SUMF1: variants seen among roughly 807,000 people sequenced by gnomAD.
SUMF1 encodes the protein sulfatase modifying factor 1.
In SUMF1, 48 loss-of-function variants were observed where a neutral mutation model predicts 47.6. The observed-to-expected ratio is 1.01, with a 90% CI of 0.80 to 1.28. SUMF1 has a LOEUF of 1.28. Among genes scored for constraint, SUMF1 ranks in the 50% most tolerant of loss-of-function variants. SUMF1 has a pLI of 0.00. For missense variants in SUMF1, 571 were observed against 485.4 expected, an observed-to-expected ratio of 1.18 and a Z score of -1.66; for synonymous variants, 230 against 192.1, an observed-to-expected ratio of 1.20 and a Z score of -1.63.
intron 8 of SUMF1, among the ~76,000 whole-genome samples, chr3:4,075,659 A>G (rs934096487): frequency 6.6e-6 from 1 of 152,134 alleles, no homozygotes; most frequent in African/African-American, 2.4e-5. Context: ...ATACAAAATC[A>G]ATAGGCAAAA....
intron 8 of SUMF1, among the ~76,000 whole-genome samples, chr3:4,220,769 G>A (rs781777305): frequency 2.1e-4 from 32 of 152,066 alleles, no homozygotes; most frequent in Non-Finnish European, 1.6e-4. Flanking sequence ...TCTGTAAAAC[G>A]AGAAGACTGA....
At chr3:4,125,880 T>C (rs1244651628) in intron 8 of SUMF1, among the ~76,000 whole-genome samples, 2 of 152,078 alleles carry the variant, frequency 1.3e-5, no homozygotes, top group African/African-American at 4.8e-5. Flanking sequence ...TCTTGCTTTG[T>C]TGGCCAGGCT....
chr3:4,463,969 T>C (rs2079876817), intron 1 of SUMF1, among the ~76,000 whole-genome samples: 1 of 152,214 alleles, frequency 6.6e-6, no homozygotes, highest in South Asian at 2.1e-4. Flanking sequence ...GCCATAACTT[T>C]CTAGTGAAAC....
At chr3:4,282,753 T>A (rs1697555112) in intron 8 of SUMF1, among the ~76,000 whole-genome samples, 4 of 152,214 alleles carry the variant, frequency 2.6e-5, no homozygotes, top group Admixed American at 6.5e-5. Context: ...AAAGAAGGTA[T>A]CTTGTTTTTG....
chr3:4,452,960 A>C lies in SUMF1; in HGVS notation c.360T>G (p.Thr120=). Residue 120 remains threonine (T), a synonymous_variant, in exon 2 of 9, where the codon ACT becomes ACG. Transcript: ENST00000272902. ...AGGCATCCATGTAAAAGGCATCAAT[A>C]GTAACTCTCCTCGCAGGTGCTTCCC... ...QDGEAPARRV[T]IDAFYMDAYE... 6.2e-7 allele frequency: 1 copy of C among 1,614,234 alleles called. No homozygotes were observed. The highest frequency in any genetic ancestry group is 8.5e-7 in the Non-Finnish European group (1 of 1,180,046).
chr3:4,153,034 C>T (rs1393278689), intron 8 of SUMF1, among the ~76,000 whole-genome samples: 2 of 151,566 alleles, frequency 1.3e-5, no homozygotes, highest in Admixed American at 1.3e-4. Context: ...CCCTATTCTT[C>T]TGAGAACTGC....
chr3:4,259,739 G>A (rs1171672646), intron 8 of SUMF1, among the ~76,000 whole-genome samples: 6 of 152,024 alleles, frequency 3.9e-5, no homozygotes. Context: ...AATGGCAAAA[G>A]GCAATTTTTA....
At chr3:4,327,144 A>C (rs1698962716) in intron 8 of SUMF1, among the ~76,000 whole-genome samples, 1 of 152,248 alleles carries the variant, frequency 6.6e-6, no homozygotes, top group Admixed American at 6.5e-5. Flanking sequence ...TGACCAAAAA[A>C]ACACAAAAAT....
intron 9 of SUMF1, among the ~76,000 whole-genome samples, chr3:4,038,271 A>G (rs1267810553): frequency 6.6e-6 from 1 of 152,084 alleles, no homozygotes; most frequent in East Asian, 1.9e-4. Context: ...TCAGCCCAGG[A>G]TAAGGGGTCT....
intron 8 of SUMF1, among the ~76,000 whole-genome samples, chr3:4,327,471 G>A (rs189930287): frequency 2.8e-5 from 4 of 144,216 alleles, no homozygotes; most frequent in Non-Finnish European, 5.9e-5. Flanking sequence ...AACAATAATT[G>A]TCTGTGGATG....
chr3:4,311,879 G>A (rs181354297), intron 8 of SUMF1, among the ~76,000 whole-genome samples: 175 of 152,246 alleles, frequency 1.1e-3, no homozygotes, highest in South Asian at 2.3e-3. Context: ...AATCTGCTGG[G>A]TTCATGAGAG....
At chr3:4,158,474 A>T (rs755343354) in intron 8 of SUMF1, among the ~76,000 whole-genome samples, 1 of 151,586 alleles carries the variant, frequency 6.6e-6, no homozygotes, top group Non-Finnish European at 1.5e-5. Flanking sequence ...CATTTGTTCT[A>T]TAAGTACAAA....
intron 9 of SUMF1, among the ~76,000 whole-genome samples, chr3:4,062,299 C>T (rs770638645): frequency 6.6e-6 from 1 of 152,138 alleles, no homozygotes; most frequent in Non-Finnish European, 1.5e-5. Context: ...AGAAACTTAA[C>T]TGCTCAGAAC....
At chr3:4,040,814 C>T (rs554721797) in intron 9 of SUMF1, among the ~76,000 whole-genome samples, 1 of 152,262 alleles carries the variant, frequency 6.6e-6, no homozygotes, top group Non-Finnish European at 1.5e-5. Flanking sequence ...AGAGGCAATC[C>T]ATTCCAATTT....
At chr3:4,406,739 C>T (rs916182335) in intron 7 of SUMF1, among the ~76,000 whole-genome samples, 12 of 152,110 alleles carry the variant, frequency 7.9e-5, no homozygotes, top group Admixed American at 7.2e-4. Context: ...AATTGTGTCC[C>T]TCACAGAGAG....
At chr3:4,076,686 A>C (rs934168919) in intron 8 of SUMF1, among the ~76,000 whole-genome samples, 11 of 152,178 alleles carry the variant, frequency 7.2e-5, no homozygotes, top group African/African-American at 2.2e-4. Context: ...CGGGTGAAGG[A>C]TATGAACAGA....
At chr3:4,466,575 A>C (rs926287995) in intron 1 of SUMF1, among the ~76,000 whole-genome samples, 1 of 152,164 alleles carries the variant, frequency 6.6e-6, no homozygotes, top group African/African-American at 2.4e-5. Flanking sequence ...AGCAGAGTGT[A>C]CTCGAGGAGA....
At chr3:4,103,553 C>T (rs1218775627) in intron 8 of SUMF1, among the ~76,000 whole-genome samples, 1 of 152,080 alleles carries the variant, frequency 6.6e-6, no homozygotes, top group East Asian at 1.9e-4. Context: ...TTCTATCTCC[C>T]TTCTCGTATT....
chr3:4,223,016 G>A (rs2125176619), intron 8 of SUMF1, among the ~76,000 whole-genome samples: 1 of 152,192 alleles, frequency 6.6e-6, no homozygotes, highest in African/African-American at 2.4e-5. Flanking sequence ...TGGTAAAGGG[G>A]AAACTTCCAC....
Sources: allele counts gnomAD v4.1 joint callset (sites outside exome capture counted in the v4.1 genomes callset), GRCh38; gene constraint gnomAD v4.1.1; transcripts MANE v1.5; gene names NCBI Gene and HGNC (gene_info 2026-07-23, HGNC 2026-07-21).